The following C8orf34 variants were observed in gnomAD, a reference collection of about 807,000 sequenced individuals.
C8orf34 encodes uncharacterized protein C8orf34.
In C8orf34, 65 loss-of-function variants were observed where a neutral mutation model predicts 68.3. The ratio of observed to expected loss-of-function variants is 0.95; its 90% confidence interval spans 0.78 to 1.17. C8orf34 has a LOEUF of 1.17. C8orf34 is among the 50% of genes most tolerant of loss of function. The probability of loss-of-function intolerance (pLI) is 0.00; values close to 1 mark genes in which losing one functional copy is unlikely to be tolerated. For synonymous variants in C8orf34, 244 were observed against 241.2 expected (o/e 1.01, Z -0.11); for missense variants, 664 against 655.4 (o/e 1.01, Z -0.14).
intron 7 of C8orf34, among the ~76,000 whole-genome samples, chr8:68,619,040 G>C (rs1325146061): frequency 6.6e-6 from 1 of 152,076 alleles, no homozygotes; most frequent in Non-Finnish European, 1.5e-5. Flanking sequence ...CTTTAAAGGA[G>C]AGGTTGGGCT....
intron 3 of C8orf34, among the ~76,000 whole-genome samples, chr8:68,452,922 A>AT (rs1811405186): frequency 6.6e-6 from 1 of 151,598 alleles, no homozygotes; most frequent in South Asian, 2.1e-4. Context: ...TAGTTGTTCC[A>AT]TTTTGAGTTA....
intron 12 of C8orf34, among the ~76,000 whole-genome samples, chr8:68,799,575 AG>A (rs1824271368): frequency 6.6e-6 from 1 of 152,212 alleles, no homozygotes; most frequent in African/African-American, 2.4e-5. Flanking sequence ...AATTTAGTTA[AG>A]ATTTTCCAAT....
At chr8:68,711,587 G>A (rs565394594) in intron 9 of C8orf34, among the ~76,000 whole-genome samples, 60 of 152,004 alleles carry the variant, frequency 3.9e-4, no homozygotes, top group Admixed American at 2.1e-3. Context: ...CAAAGACAAG[G>A]CTTTTCAATT....
intron 7 of C8orf34, among the ~76,000 whole-genome samples, chr8:68,628,420 G>A (rs756524661): frequency 6.6e-6 from 1 of 151,948 alleles, no homozygotes; most frequent in Non-Finnish European, 1.5e-5. Flanking sequence ...ATTATGTTTC[G>A]TTCTCCTTTT....
intron 7 of C8orf34, among the ~76,000 whole-genome samples, chr8:68,560,183 G>T (rs1816378682): frequency 6.6e-6 from 1 of 151,596 alleles, no homozygotes; most frequent in Non-Finnish European, 1.5e-5. Context: ...CGGAGTGGCA[G>T]ACTGGAAGAT....
At chr8:68,423,162 G>A (rs1292719795) in intron 1 of C8orf34, among the ~76,000 whole-genome samples, 1 of 152,140 alleles carries the variant, frequency 6.6e-6, no homozygotes, top group Admixed American at 6.5e-5. Context: ...TCTGCAGCGG[G>A]CTTGAATTTT....
intron 4 of C8orf34, among the ~76,000 whole-genome samples, chr8:68,481,953 T>C (rs1300064073): frequency 6.6e-6 from 1 of 152,154 alleles, no homozygotes; most frequent in Admixed American, 6.5e-5. Context: ...TGATTTGTTT[T>C]GAAATGTGAG....
At chr8:68,422,863 A>G (rs891174308) in intron 1 of C8orf34, among the ~76,000 whole-genome samples, 1 of 152,108 alleles carries the variant, frequency 6.6e-6, no homozygotes, top group Non-Finnish European at 1.5e-5. Flanking sequence ...CTGTGCACCT[A>G]CAGGCTCAAC....
intron 7 of C8orf34, among the ~76,000 whole-genome samples, chr8:68,581,803 T>C (rs1182919390): frequency 6.6e-6 from 1 of 152,076 alleles, no homozygotes; most frequent in Non-Finnish European, 1.5e-5. Context: ...CAAGAATCCT[T>C]TATCATTGTC....
chr8:68,437,229 C>G (rs896648877), intron 1 of C8orf34, among the ~76,000 whole-genome samples: 1 of 151,914 alleles, frequency 6.6e-6, no homozygotes, highest in Non-Finnish European at 1.5e-5. Flanking sequence ...CTAAATAATC[C>G]ATCTTCTAAA....
intron 6 of C8orf34, among the ~76,000 whole-genome samples, chr8:68,532,661 G>A (rs969512303): frequency 6.6e-6 from 1 of 152,082 alleles, no homozygotes; most frequent in Non-Finnish European, 1.5e-5. Context: ...GTAAATCAGG[G>A]ACTAATAATC....
At chr8:68,501,414 G>T in intron 5 of C8orf34, among the ~76,000 whole-genome samples, 1 of 152,158 alleles carries the variant, frequency 6.6e-6, no homozygotes, top group East Asian at 1.9e-4. Flanking sequence ...GTGGATGTGG[G>T]CACCAGCAAA....
chr8:68,723,812 G>T (rs921584752), intron 10 of C8orf34, among the ~76,000 whole-genome samples: 1 of 152,012 alleles, frequency 6.6e-6, no homozygotes, highest in Non-Finnish European at 1.5e-5. Context: ...AAAGAAAAAA[G>T]AAATTAGCTT....
At chr8:68,788,136 G>A (rs1823895892) in intron 12 of C8orf34, among the ~76,000 whole-genome samples, 1 of 152,184 alleles carries the variant, frequency 6.6e-6, no homozygotes, top group African/African-American at 2.4e-5. Context: ...AAATCTGGTT[G>A]AGAAGTTAGT....
At chr8:68,798,701 A>G (rs996237905) in intron 12 of C8orf34, among the ~76,000 whole-genome samples, 1 of 152,176 alleles carries the variant, frequency 6.6e-6, no homozygotes, top group Non-Finnish European at 1.5e-5. Flanking sequence ...TTGGATCTGA[A>G]TAACTTCTTT....
chr8:68,435,750 T>G (rs1370068416), intron 1 of C8orf34, among the ~76,000 whole-genome samples: 4 of 152,160 alleles, frequency 2.6e-5, no homozygotes, highest in African/African-American at 9.7e-5. Context: ...TTAGAAAGGG[T>G]GTTAGTCCAT....
At chr8:68,416,663 T>C (rs1809682144) in intron 1 of C8orf34, among the ~76,000 whole-genome samples, 2 of 152,014 alleles carry the variant, frequency 1.3e-5, no homozygotes, top group South Asian at 4.1e-4. Flanking sequence ...TCTGATTAGC[T>C]GGGATTACAG....
intron 1 of C8orf34, among the ~76,000 whole-genome samples, chr8:68,374,963 A>G (rs1807729786): frequency 6.6e-6 from 1 of 152,196 alleles, no homozygotes; most frequent in South Asian, 2.1e-4. Context: ...TGACATAGCA[A>G]CTACTGCAAA....
At chr8:68,586,142 G>A (rs762117046) in intron 7 of C8orf34, among the ~76,000 whole-genome samples, 3 of 152,062 alleles carry the variant, frequency 2.0e-5, no homozygotes, top group Non-Finnish European at 4.4e-5. Flanking sequence ...GTCTACATCT[G>A]GCTTTGATTA....
Sources: gnomAD v4.1 joint callset for allele counts (sites outside exome capture counted in the v4.1 genomes callset) on GRCh38, gnomAD v4.1.1 for gene constraint, MANE v1.5 for transcripts, NCBI Gene and HGNC (gene_info 2026-07-23, HGNC 2026-07-21) for gene names.